The following NBEA variants were observed in gnomAD, a reference collection of about 807,000 sequenced individuals.
NBEA encodes the protein neurobeachin.
NBEA carries 44 observed loss-of-function variants against 343.4 expected under a neutral mutation model. That is an observed-to-expected ratio of 0.13 (90% CI 0.10 to 0.16). The LOEUF (loss-of-function observed/expected upper bound fraction) is 0.16, where lower values mean the gene tolerates loss of function less well. Among genes scored for constraint, NBEA ranks in the 10% least tolerant of loss-of-function variants. NBEA has a pLI of 1.00. For missense variants in NBEA, 2,555 were observed against 3,631.3 expected, an observed-to-expected ratio of 0.70 and a Z score of 7.62; for synonymous variants, 1,175 against 1,238.7, an observed-to-expected ratio of 0.95 and a Z score of 1.08.
chr13:35,445,820 A>ATG (rs1308731514), intron 39 of NBEA, among the ~76,000 whole-genome samples: 4 of 134,774 alleles, frequency 3.0e-5, no homozygotes, highest in African/African-American at 8.1e-5. Flanking sequence ...ATATATATGT[A>ATG]TATATATATA....
At chr13:34,947,502 T>A (rs932868874) in intron 1 of NBEA, among the ~76,000 whole-genome samples, 6 of 152,134 alleles carry the variant, frequency 3.9e-5, no homozygotes, top group African/African-American at 1.2e-4. Context: ...ATTTTTTTTT[T>A]AACTATATAC....
At chr13:35,076,600 G>T (rs1435061130) in intron 10 of NBEA, among the ~76,000 whole-genome samples, 3 of 151,708 alleles carry the variant, frequency 2.0e-5, no homozygotes, top group African/African-American at 7.3e-5. Flanking sequence ...TTGTTACAAG[G>T]TTTATGCTTT....
chr13:35,294,768 T>A (rs1260710523), intron 35 of NBEA, among the ~76,000 whole-genome samples: 12 of 152,024 alleles, frequency 7.9e-5, no homozygotes, highest in South Asian at 2.1e-4. Context: ...CTTTGTATGG[T>A]TCAGTAAATG....
chr13:35,518,986 A>T (rs138570045), intron 41 of NBEA, among the ~76,000 whole-genome samples: 4 of 152,332 alleles, frequency 2.6e-5, no homozygotes, highest in African/African-American at 9.6e-5. Context: ...TTCCCTTTGC[A>T]TTAAGCAAAT....
At chr13:35,562,749 A>G (rs1022753930) in intron 44 of NBEA, among the ~76,000 whole-genome samples, 1 of 152,102 alleles carries the variant, frequency 6.6e-6, no homozygotes, top group Admixed American at 6.6e-5. Context: ...AAATGTCTGT[A>G]AAGTGTGAAG....
intron 41 of NBEA, among the ~76,000 whole-genome samples, chr13:35,518,089 G>A (rs901000341): frequency 1.3e-5 from 2 of 152,024 alleles, no homozygotes; most frequent in African/African-American, 4.8e-5. Flanking sequence ...TAATGAGCAT[G>A]TACTTCCCTT....
intron 48 of NBEA, among the ~76,000 whole-genome samples, chr13:35,624,455 G>A (rs1368586627): frequency 2.0e-5 from 3 of 151,850 alleles, no homozygotes; most frequent in Admixed American, 6.6e-5. Context: ...AAGATATTTG[G>A]GGACCTTGGA....
chr13:35,487,803 C>T (rs1357359382), intron 41 of NBEA, among the ~76,000 whole-genome samples: 2 of 151,968 alleles, frequency 1.3e-5, no homozygotes, highest in African/African-American at 4.8e-5. Flanking sequence ...GTTGAACATA[C>T]TCCAGTCTTT....
At chr13:35,090,192 C>G (rs952484534) in intron 10 of NBEA, among the ~76,000 whole-genome samples, 9 of 151,774 alleles carry the variant, frequency 5.9e-5, no homozygotes, top group African/African-American at 1.7e-4. Flanking sequence ...TTCCTGTAAT[C>G]AAATATAGTT....
intron 34 of NBEA, among the ~76,000 whole-genome samples, chr13:35,283,028 G>C (rs1217505375): frequency 6.6e-6 from 1 of 152,062 alleles, no homozygotes; most frequent in Non-Finnish European, 1.5e-5. Flanking sequence ...TAATATTGCT[G>C]ATAATGCCAT....
chr13:35,667,364 C>T lies in NBEA; in HGVS notation c.8465-10C>T, dbSNP rs2085411820. ...CAACTGACCCTGGCATTGATGTCCC[C>T]ACTTTGCAGAGGGCCCTTGCCTTGT... On this transcript the variant is annotated splice_polypyrimidine_tract_variant and intron_variant, in intron 56 of 58. Transcript: ENST00000379939. The T allele has an allele frequency of 1.2e-6, 2 of 1,612,120 alleles. No homozygotes were observed. The highest frequency in any genetic ancestry group is 1.7e-6 in the Non-Finnish European group (2 of 1,178,942).
At chr13:35,197,659 C>T (rs963810764) in intron 31 of NBEA, among the ~76,000 whole-genome samples, 36 of 151,932 alleles carry the variant, frequency 2.4e-4, no homozygotes, top group Admixed American at 1.6e-3. Flanking sequence ...CCTGCCACCA[C>T]GCCTGGCTAA....
chr13:35,187,987 C>T (rs960387977), intron 30 of NBEA, among the ~76,000 whole-genome samples: 5 of 152,076 alleles, frequency 3.3e-5, no homozygotes, highest in African/African-American at 1.2e-4. Flanking sequence ...AGGTCACCTC[C>T]TCCGAGAGGC....
chr13:35,363,840 C>T (rs1198693651), intron 38 of NBEA, among the ~76,000 whole-genome samples: 4 of 151,832 alleles, frequency 2.6e-5, no homozygotes, highest in Admixed American at 6.6e-5. Context: ...TTCTAATGAA[C>T]AGAAAACATA....
chr13:35,447,168 G>C (rs2046089758), intron 39 of NBEA, among the ~76,000 whole-genome samples: 1 of 152,012 alleles, frequency 6.6e-6, no homozygotes, highest in Non-Finnish European at 1.5e-5. Context: ...TGATCCTGTG[G>C]CCATTCCAGG....
At chr13:35,296,427 A>G (rs910096341) in intron 35 of NBEA, among the ~76,000 whole-genome samples, 6 of 150,770 alleles carry the variant, frequency 4.0e-5, no homozygotes, top group Non-Finnish European at 5.9e-5. Flanking sequence ...TTTTTTTCTT[A>G]TGTCTAACTT....
At chr13:35,662,918 T>A (rs1350150307) in intron 55 of NBEA, among the ~76,000 whole-genome samples, 2 of 152,202 alleles carry the variant, frequency 1.3e-5, no homozygotes, top group African/African-American at 2.4e-5. Context: ...CTCTCCAAGA[T>A]AAAATTATCA....
chr13:35,483,716 C>CT (rs1459396133), intron 41 of NBEA, among the ~76,000 whole-genome samples: 4 of 151,916 alleles, frequency 2.6e-5, no homozygotes, highest in South Asian at 4.2e-4. Context: ...TTTTATTTTG[C>CT]AGTTACAATA....
At chr13:34,984,675 G>A (rs994424692) in intron 1 of NBEA, among the ~76,000 whole-genome samples, 20 of 150,876 alleles carry the variant, frequency 1.3e-4, no homozygotes, top group African/African-American at 4.4e-4. Context: ...CATGAGCATG[G>A]AATGTTCTTC....
Sources: gnomAD v4.1 joint callset for allele counts (sites outside exome capture counted in the v4.1 genomes callset) on GRCh38, gnomAD v4.1.1 for gene constraint, MANE v1.5 for transcripts, NCBI Gene and HGNC (gene_info 2026-07-23, HGNC 2026-07-21) for gene names.